LAMB4: variants seen among roughly 807,000 people sequenced by gnomAD.
The protein encoded by LAMB4 is laminin subunit beta-4.
Under a neutral mutation model 199.2 loss-of-function variants are expected in LAMB4, and 196 were observed. The ratio of observed to expected loss-of-function variants is 0.98; its 90% CI spans 0.88 to 1.11. LAMB4 has a LOEUF of 1.11. Ranked by LOEUF, LAMB4 falls within the 50% of genes least tolerant of loss-of-function variation. The pLI is 0.00. For missense variants in LAMB4, 2,080 were observed against 2,171.2 expected, an observed-to-expected ratio of 0.96 and a Z score of 0.83; for synonymous variants, 744 against 770.6, an observed-to-expected ratio of 0.97 and a Z score of 0.57.
chr7:108,057,440 A>G (rs1329853736), intron 24 of LAMB4, among the ~76,000 whole-genome samples: 1 of 152,170 alleles, frequency 6.6e-6, no homozygotes, highest in Non-Finnish European at 1.5e-5. Flanking sequence ...TTTAGCCACA[A>G]GGGCACATTT....
At position 108,076,957 on chromosome 7, in the gene LAMB4, A is replaced by T. The variant is rs1242287955; in HGVS notation, c.2111T>A (p.Val704Asp). ...TGTGATACTTACAGAGTCCACCAGG[A>T]CATGTGAATGAGCGTGGGACTCTCC... ...LQGESHAHSH[V>D]LVDSLGLIPQ... Residue 704 changes from valine (V) to aspartate (D), a missense_variant, in exon 17 of 34, where the codon GTC (valine) becomes GAC (aspartate). By Grantham distance (152) the Val-to-Asp change is radical. Transcript: ENST00000388781. 6.2e-7 allele frequency: 1 copy of T among 1,614,108 alleles called. No homozygotes were observed. Among genetic ancestry groups the T allele is most frequent in the Admixed American group, 1.7e-5 (1 of 60,022 alleles).
At chr7:108,127,105 T>C (rs1469353719) in intron 1 of LAMB4, among the ~76,000 whole-genome samples, 3 of 151,868 alleles carry the variant, frequency 2.0e-5, no homozygotes, top group Admixed American at 2.0e-4. Flanking sequence ...GCTCTGCTCC[T>C]GGATTCCCTT....
At chr7:108,091,182 A>G (rs1432405600) in intron 14 of LAMB4, among the ~76,000 whole-genome samples, 1 of 152,034 alleles carries the variant, frequency 6.6e-6, no homozygotes, top group African/African-American at 2.4e-5. Context: ...TTATTAGCAG[A>G]TATCTATAAA....
intron 9 of LAMB4, among the ~76,000 whole-genome samples, 169 bp downstream of exon 9, chr7:108,104,330 G>A (rs1454788079): frequency 2.0e-5 from 3 of 152,170 alleles, no homozygotes; most frequent in African/African-American, 7.2e-5. Flanking sequence ...AGAAGTTGGC[G>A]ATTCTTCTAT....
intron 6 of LAMB4, 78 bp downstream of exon 6, chr7:108,107,553 G>T (rs73725335): frequency 8.5e-6 from 10 of 1,176,640 alleles, no homozygotes; most frequent in Non-Finnish European, 1.2e-5. Context: ...AAACACTATC[G>T]AAAGTTTTTC....
chr7:108,082,892 T>C (rs2037010539), intron 14 of LAMB4, among the ~76,000 whole-genome samples: 1 of 152,200 alleles, frequency 6.6e-6, no homozygotes. Context: ...GTCTTGTTTC[T>C]GCAGTCATTG....
chr7:108,029,348 T>C (rs1584582972), intron 32 of LAMB4, 152 bp from the exon 33 acceptor site: 2 of 517,692 alleles, frequency 3.9e-6, no homozygotes, highest in East Asian at 6.9e-5. Flanking sequence ...TCCGGCAGAG[T>C]TTTATTTGCA....
At chr7:108,048,326 G>A (rs528025936) in intron 27 of LAMB4, among the ~76,000 whole-genome samples, 1 of 151,966 alleles carries the variant, frequency 6.6e-6, no homozygotes, top group East Asian at 1.9e-4. Context: ...TACCACGCCT[G>A]GCTAATTTTT....
At chr7:108,116,592 A>T (rs2038416343) in intron 2 of LAMB4, among the ~76,000 whole-genome samples, 1 of 152,200 alleles carries the variant, frequency 6.6e-6, no homozygotes, top group Non-Finnish European at 1.5e-5. Context: ...AAAACTCTTT[A>T]ATGTTGTTTA....
At chr7:108,073,026 A>T (rs1405230911) in intron 17 of LAMB4, among the ~76,000 whole-genome samples, 1 of 152,100 alleles carries the variant, frequency 6.6e-6, no homozygotes, top group Non-Finnish European at 1.5e-5. Flanking sequence ...TCTTTTTTTG[A>T]TGGAGTCTTG....
At chr7:108,035,390 A>C (rs1439990309) in intron 30 of LAMB4, among the ~76,000 whole-genome samples, 1 of 151,912 alleles carries the variant, frequency 6.6e-6, no homozygotes, top group Non-Finnish European at 1.5e-5. Context: ...AAAATGCAAA[A>C]AATTAGTTGG....
chr7:108,116,065 A>G lies in LAMB4; in HGVS notation c.131T>C (p.Met44Thr), dbSNP rs35644375. The change falls in exon 3 of 34, where the codon ATG becomes ACG. Residue 44 changes from methionine (M) to threonine (T), a missense_variant. Transcript: ENST00000388781. Reference sequence around the variant, plus strand: ...GCTCAGCCCACAGGTAGAAGAAGCCATAAGCTGCGTGTTCCTGCCCACCAG... The same window carrying G: ...GCTCAGCCCACAGGTAGAAGAAGCCGTAAGCTGCGTGTTCCTGCCCACCAG... ...DLLVGRNTQLMASSTCGLSRA... is the reference protein window; with the variant it reads ...DLLVGRNTQLTASSTCGLSRA... 0.018 allele frequency: 28,586 copies of G among 1,614,014 alleles called. 3,622 individuals carry two copies. In the African/African-American group the frequency reaches 0.3, roughly 17 times the overall value.
intron 10 of LAMB4, 94 bp downstream of exon 10, chr7:108,102,950 G>T (rs2037864093): frequency 1.9e-6 from 2 of 1,059,844 alleles, no homozygotes; most frequent in Non-Finnish European, 2.6e-6. Flanking sequence ...GTTTGGAGAT[G>T]CCGTTAAGCA....
rs752267653 is a variant in LAMB4 at position 108,091,644 on chromosome 7, G to C, written c.1683C>G (p.Leu561=). Residue 561 remains leucine (L), a synonymous_variant, in exon 14 of 34, where the codon CTC becomes CTG. Coordinates refer to ENST00000388781, the MANE Select transcript of LAMB4 (RefSeq NM_007356.3). ...YLYEAEEATT[L]QGLAPLGSET... ...TACGAACCAAAGGCGCCAGTCCTTG[G>C]AGTGTTGTGGCTTCCTCTGCCTCGT... The C allele has an allele frequency of 1.2e-6, 2 of 1,613,790 alleles. No individual in the cohort carries two copies. Among genetic ancestry groups the C allele is most frequent in the Admixed American group, 1.7e-5 (1 of 59,932 alleles).
chr7:108,064,891 AC>A (rs2150551709), intron 21 of LAMB4, among the ~76,000 whole-genome samples: 1 of 140,020 alleles, frequency 7.1e-6, no homozygotes, highest in African/African-American at 3.1e-5. Flanking sequence ...ATGTGTAAAT[AC>A]CTTTTTTTTT....
intron 33 of LAMB4, among the ~76,000 whole-genome samples, chr7:108,024,846 A>G (rs539804146): frequency 6.6e-6 from 1 of 152,244 alleles, no homozygotes; most frequent in East Asian, 1.9e-4. Context: ...AGGAGACTAT[A>G]TAAGTGGATA....
chr7:108,128,466 AG>A (rs1243771154), intron 1 of LAMB4, among the ~76,000 whole-genome samples: 10 of 152,176 alleles, frequency 6.6e-5, no homozygotes, highest in Admixed American at 6.5e-4. Flanking sequence ...GCTGAGCTTG[AG>A]AAACTTTCTC....
At chr7:108,057,204 T>C (rs1207260048) in intron 24 of LAMB4, among the ~76,000 whole-genome samples, 1 of 152,150 alleles carries the variant, frequency 6.6e-6, no homozygotes, top group African/African-American at 2.4e-5. Flanking sequence ...TTATTTGCAG[T>C]TTCTTCTACT....
At chr7:108,048,408 C>T (rs747461626) in intron 27 of LAMB4, among the ~76,000 whole-genome samples, 4 of 151,696 alleles carry the variant, frequency 2.6e-5, no homozygotes, top group Non-Finnish European at 4.4e-5. Flanking sequence ...TCAGGTGATC[C>T]GCCCACCTCG....
Sources: gnomAD v4.1 joint callset for allele counts (sites outside exome capture counted in the v4.1 genomes callset) on GRCh38, gnomAD v4.1.1 for gene constraint, MANE v1.5 for transcripts, NCBI Gene and HGNC (gene_info 2026-07-23, HGNC 2026-07-21) for gene names.